Variants in ZNF827 observed in about 807,000 individuals in gnomAD.
ZNF827 encodes zinc finger protein 827.
A neutral mutation model predicts 102.4 loss-of-function variants in ZNF827; 13 were observed. The ratio of observed to expected loss-of-function variants is 0.13; its 90% CI spans 0.08 to 0.20. ZNF827 has a LOEUF of 0.20. Ranked by LOEUF, ZNF827 falls within the 10% of genes least tolerant of loss-of-function variation. The pLI, the probability that ZNF827 is intolerant of heterozygous loss-of-function variation, is 1.00. For missense variants in ZNF827, 1,103 were observed against 1,344.4 expected, an observed-to-expected ratio of 0.82 and a Z score of 2.81; for synonymous variants, 523 against 536.2, an observed-to-expected ratio of 0.98 and a Z score of 0.34.
intron 7 of ZNF827, 135 bp downstream of exon 7, chr4:145,845,821 T>G: frequency 1.3e-6 from 1 of 793,840 alleles, no homozygotes. Flanking sequence ...GAAATTCTGG[T>G]AGAACATGGT....
chr4:145,870,578 G>T, intron 4 of ZNF827, 100 bp from the exon 5 acceptor site: 1 of 1,062,588 alleles, frequency 9.4e-7, no homozygotes, highest in Non-Finnish European at 1.4e-6. Context: ...ATCACACTGT[G>T]CTAACAACCG....
chr4:145,883,516 CT>C (rs1749853024), intron 4 of ZNF827, among the ~76,000 whole-genome samples: 1 of 152,100 alleles, frequency 6.6e-6, no homozygotes, highest in Admixed American at 6.6e-5. Context: ...TCTAAGCAGC[CT>C]TATCTTATGC....
chr4:145,781,216 AAG>A (rs1560914649), intron 8 of ZNF827, among the ~76,000 whole-genome samples: 350 of 117,900 alleles, frequency 3.0e-3, no homozygotes, highest in Middle Eastern at 9.3e-3. Flanking sequence ...AAAAAAAAAA[AAG>A]AAAAAAAAAG....
At chr4:145,935,431 T>C (rs755285722) in intron 1 of ZNF827, among the ~76,000 whole-genome samples, 12 of 152,146 alleles carry the variant, frequency 7.9e-5, no homozygotes, top group Non-Finnish European at 1.6e-4. Flanking sequence ...AAATACACCA[T>C]TTGCCCAGAA....
At chr4:145,869,406 A>G (rs528029958) in intron 5 of ZNF827, among the ~76,000 whole-genome samples, 18 of 152,236 alleles carry the variant, frequency 1.2e-4, no homozygotes, top group Non-Finnish European at 2.6e-4. Flanking sequence ...AACTAAAAAC[A>G]GCTTTCGATT....
At chr4:145,829,019 G>T (rs757517485) in intron 7 of ZNF827, among the ~76,000 whole-genome samples, 4 of 152,024 alleles carry the variant, frequency 2.6e-5, no homozygotes, top group Non-Finnish European at 5.9e-5. Context: ...AACGTTACAG[G>T]GATTCTCATT....
At chr4:145,867,634 T>C (rs1481305264) in intron 5 of ZNF827, among the ~76,000 whole-genome samples, 1 of 152,112 alleles carries the variant, frequency 6.6e-6, no homozygotes, top group Non-Finnish European at 1.5e-5. Context: ...GGGTCAAAAC[T>C]AAAACAAGGA....
intron 8 of ZNF827, among the ~76,000 whole-genome samples, chr4:145,813,871 T>G (rs1303079093): frequency 6.6e-6 from 1 of 152,044 alleles, no homozygotes; most frequent in Non-Finnish European, 1.5e-5. Context: ...TGATGAAGAC[T>G]AGAATAAAAG....
intron 5 of ZNF827, among the ~76,000 whole-genome samples, chr4:145,855,122 C>G (rs966644266): frequency 2.0e-5 from 3 of 152,160 alleles, no homozygotes. Context: ...CAGATTACAA[C>G]AAAATATGAA....
intron 8 of ZNF827, among the ~76,000 whole-genome samples, chr4:145,785,895 T>C (rs1239192612): frequency 6.6e-6 from 1 of 152,252 alleles, no homozygotes; most frequent in African/African-American, 2.4e-5. Flanking sequence ...ATCCAGACAC[T>C]AGCACTTTTC....
intron 8 of ZNF827, among the ~76,000 whole-genome samples, chr4:145,781,333 T>TCCA (rs1422462554): frequency 6.6e-6 from 1 of 151,918 alleles, no homozygotes; most frequent in Non-Finnish European, 1.5e-5. Flanking sequence ...AATACAGGCT[T>TCCA]CCACCTGTAT....
chr4:145,810,203 C>A lies in ZNF827; in HGVS notation c.2383+13219G>T, dbSNP rs1359594495. Among the ~76,000 whole-genome samples, 3 of 152,192 alleles carry A rather than the reference C, an allele frequency of 2.0e-5. No homozygotes were observed. The South Asian group carries it at 6.2e-4, about 32-fold the overall frequency. On this transcript the variant is annotated intron_variant, in intron 8 of 14. Transcript: ENST00000508784. ...TCATACCATTCATGTGGATTTGTAA[C>A]CTGCTTTATAGTTTCACAAACTGTA...
intron 1 of ZNF827, among the ~76,000 whole-genome samples, chr4:145,912,534 T>G (rs1752365023): frequency 6.6e-6 from 1 of 152,218 alleles, no homozygotes; most frequent in Non-Finnish European, 1.5e-5. Flanking sequence ...TAACCCCCAG[T>G]ACATGTGACT....
chr4:145,858,909 A>G (rs1021547843), intron 5 of ZNF827, among the ~76,000 whole-genome samples: 1 of 152,192 alleles, frequency 6.6e-6, no homozygotes, highest in South Asian at 2.1e-4. Flanking sequence ...TATGCAGACA[A>G]GTTTAACATG....
chr4:145,782,803 C>T (rs1474782618), intron 8 of ZNF827, among the ~76,000 whole-genome samples: 1 of 152,236 alleles, frequency 6.6e-6, no homozygotes, highest in Non-Finnish European at 1.5e-5. Flanking sequence ...GACTGCTTGA[C>T]TTTTCAGGAA....
At chr4:145,768,871 A>AC (rs1218118825) in intron 11 of ZNF827, among the ~76,000 whole-genome samples, 2 of 24,658 alleles carry the variant, frequency 8.1e-5, no homozygotes, top group African/African-American at 1.3e-4. Flanking sequence ...AAAAAAAAAA[A>AC]AAAAAAAAAA....
intron 1 of ZNF827, among the ~76,000 whole-genome samples, chr4:145,918,232 C>T (rs2048158): frequency 0.68 from 101,256 of 149,878 alleles, 36,436 homozygotes; most frequent in African/African-American, 0.91. Context: ...GTGGTAAATC[C>T]TACTTTATGC....
At chr4:145,911,378 A>T (rs1232142333) in intron 1 of ZNF827, among the ~76,000 whole-genome samples, 1 of 152,234 alleles carries the variant, frequency 6.6e-6, no homozygotes, top group Non-Finnish European at 1.5e-5. Context: ...CATGCTTTGG[A>T]GAAACATGTA....
intron 7 of ZNF827, among the ~76,000 whole-genome samples, chr4:145,837,882 C>T (rs1004187853): frequency 2.0e-5 from 3 of 152,106 alleles, no homozygotes; most frequent in African/African-American, 4.8e-5. Flanking sequence ...CAAGACCTCC[C>T]TTCAGCTTAA....
Sources: allele counts gnomAD v4.1 joint callset (sites outside exome capture counted in the v4.1 genomes callset), GRCh38; gene constraint gnomAD v4.1.1; transcripts MANE v1.5; gene names NCBI Gene and HGNC (gene_info 2026-07-23, HGNC 2026-07-21).